Variants in HBS1L observed in about 807,000 individuals in gnomAD.
The protein encoded by HBS1L is HBS1 like translational GTPase.
HBS1L carries 55 observed loss-of-function variants against 88.9 expected under a neutral mutation model. The ratio of observed to expected loss-of-function variants is 0.62; its 90% CI spans 0.50 to 0.77. The LOEUF (loss-of-function observed/expected upper bound fraction) is 0.77, where lower values mean the gene tolerates loss of function less well. Among genes scored for constraint, HBS1L ranks in the 30% least tolerant of loss-of-function variants. The pLI, the probability that HBS1L is intolerant of heterozygous loss-of-function variation, is 0.00. For synonymous variants in HBS1L, 267 were observed against 288.5 expected (o/e 0.93, Z 0.76); for missense variants, 741 against 829.3 (o/e 0.89, Z 1.31).
intron 8 of HBS1L, among the ~76,000 whole-genome samples, 181 bp from the exon 9 acceptor site, chr6:134,987,972 AAAT>A (rs1775025289): frequency 6.6e-6 from 1 of 152,234 alleles, no homozygotes; most frequent in African/African-American, 2.4e-5. Context: ...AAGTCACCAA[AAAT>A]AATGACACAA....
intron 15 of HBS1L, among the ~76,000 whole-genome samples, chr6:134,971,984 G>A (rs1333038386): frequency 6.6e-6 from 1 of 152,132 alleles, no homozygotes; most frequent in Non-Finnish European, 1.5e-5. Flanking sequence ...GCAATGTATA[G>A]ATCTTATTTA....
intron 4 of HBS1L, among the ~76,000 whole-genome samples, chr6:135,034,865 C>T (rs532541472): frequency 2.2e-4 from 34 of 152,188 alleles, no homozygotes; most frequent in Non-Finnish European, 3.7e-4. Context: ...CAATGGTTCT[C>T]GAACAGAAAT....
chr6:135,054,611 C>A (rs1434331942), intron 1 of HBS1L, 38 bp downstream of exon 1: 1 of 1,611,874 alleles, frequency 6.2e-7, no homozygotes, highest in East Asian at 2.2e-5. Context: ...CCAGCTGTAG[C>A]CGGGAAAAGA....
intron 4 of HBS1L, among the ~76,000 whole-genome samples, chr6:135,034,951 A>G (rs1279473991): frequency 2.0e-5 from 3 of 152,350 alleles, no homozygotes; most frequent in African/African-American, 7.2e-5. Flanking sequence ...GCATATATGG[A>G]GTGAAGCCAC....
chr6:134,993,425 A>G (rs1348764415), intron 8 of HBS1L, among the ~76,000 whole-genome samples: 2 of 152,198 alleles, frequency 1.3e-5, no homozygotes, highest in East Asian at 3.9e-4. Flanking sequence ...ATTGAAAGAC[A>G]TAAGGCAGAT....
intron 12 of HBS1L, among the ~76,000 whole-genome samples, chr6:134,984,613 AT>A: frequency 6.6e-6 from 1 of 152,154 alleles, no homozygotes; most frequent in Non-Finnish European, 1.5e-5. Context: ...TACAGTTTTT[AT>A]TATTGTAATA....
Position 135,042,073 on chromosome 6 carries a change from C to T in HBS1L, c.163G>A (p.Glu55Lys), listed in dbSNP as rs113532184. The change falls in exon 3 of 18, where the codon GAA (glutamate) becomes AAA (lysine). Residue 55 changes from glutamate (E) to lysine (K), a missense_variant. Physicochemically the swap from Glu to Lys is moderately conservative, Grantham distance 56. Around this residue, in one of 3 missense-constraint regions of HBS1L, gnomAD observed 556 missense variants for 598.4 expected, o/e 0.93. Coordinates refer to ENST00000367837, the MANE Select transcript of HBS1L (RefSeq NM_006620.4). ...TCTTTCAGATCTTCATAATCATATT[C>T]TTCCACAGGCTCAACGGAAGGTTTG... is the stretch of plus-strand genomic sequence containing the variant. ...RDKPSVEPVEEYDYEDLKESS... is the reference protein window; with the variant it reads ...RDKPSVEPVEKYDYEDLKESS... The T allele has an allele frequency of 1.3e-4, 211 of 1,613,096 alleles. No individual in the cohort carries two copies. In the African/African-American group the frequency reaches 2.7e-3, roughly 21 times the overall value.
chr6:135,034,590 G>A (rs543455984), intron 4 of HBS1L, among the ~76,000 whole-genome samples: 7 of 152,340 alleles, frequency 4.6e-5, no homozygotes, highest in Non-Finnish European at 8.8e-5. Context: ...GTTGCAGTGA[G>A]CCGAGATCAT....
rs775852023 is a variant in HBS1L at position 134,978,725 on chromosome 6, C to T, written c.1751G>A (p.Arg584Gln). ...PIKACTRFRARILIFNIEIPI... is the reference protein window; with the variant it reads ...PIKACTRFRAQILIFNIEIPI... Reference sequence around the variant, plus strand: ...AATTTCAATATTAAAGATGAGGATTCGGGCTCTGAAACGAGTGCAAGCTTT... The same window carrying T: ...AATTTCAATATTAAAGATGAGGATTTGGGCTCTGAAACGAGTGCAAGCTTT... The change falls in exon 15 of 18, where the codon CGA (arginine) becomes CAA (glutamine). Residue 584 changes from arginine (R) to glutamine (Q), a missense_variant. By Grantham distance (43) the Arg-to-Gln change is conservative. Coordinates refer to ENST00000367837, the MANE Select transcript of HBS1L (RefSeq NM_006620.4). 6.8e-6 allele frequency: 11 copies of T among 1,609,044 alleles called. No homozygotes were observed. Among genetic ancestry groups the T allele is most frequent in the Middle Eastern group, 1.7e-4 (1 of 6,060 alleles).
At chr6:134,972,507 T>C (rs4896121) in intron 15 of HBS1L, among the ~76,000 whole-genome samples, 70,278 of 151,964 alleles carry the variant, frequency 0.46, 16,649 homozygotes, top group South Asian at 0.56. Context: ...GAAGAGAACA[T>C]AGCACAAAAG....
At chr6:134,996,751 T>A in intron 7 of HBS1L, 26 bp downstream of exon 7, 1 of 1,540,498 alleles carries the variant, frequency 6.5e-7, no homozygotes, top group Non-Finnish European at 8.7e-7. Flanking sequence ...GATTTCAAAC[T>A]GAAAATTTTG....
chr6:135,009,694 C>A (rs534152959), intron 4 of HBS1L, among the ~76,000 whole-genome samples: 85 of 152,014 alleles, frequency 5.6e-4, no homozygotes, highest in African/African-American at 2.1e-3. Flanking sequence ...AGTGCAGTGG[C>A]GTGATCTCGG....
intron 4 of HBS1L, among the ~76,000 whole-genome samples, chr6:135,027,570 A>G (rs1185389886): frequency 6.6e-6 from 1 of 152,188 alleles, no homozygotes; most frequent in Admixed American, 6.5e-5. Context: ...ATAAGAAGAA[A>G]GTGGGAATGA....
chr6:135,043,736 G>A (rs1279921155), intron 2 of HBS1L, among the ~76,000 whole-genome samples: 1 of 152,170 alleles, frequency 6.6e-6, no homozygotes, highest in Non-Finnish European at 1.5e-5. Context: ...AGGTGGAAGA[G>A]ATCCTGAACA....
At chr6:134,996,235 C>T (rs1167358439) in intron 7 of HBS1L, among the ~76,000 whole-genome samples, 1 of 152,166 alleles carries the variant, frequency 6.6e-6, no homozygotes, top group Non-Finnish European at 1.5e-5. Flanking sequence ...GTAACAGAGA[C>T]AGAGGAGTAA....
intron 4 of HBS1L, chr6:135,037,336 G>A (rs1233906379): frequency 2.6e-6 from 4 of 1,551,612 alleles, no homozygotes; most frequent in Non-Finnish European, 3.5e-6. Context: ...AGTTAGGGAT[G>A]GACTTTCACA....
intron 4 of HBS1L, among the ~76,000 whole-genome samples, chr6:135,006,355 G>A (rs994211622): frequency 2.6e-5 from 4 of 152,122 alleles, no homozygotes; most frequent in Non-Finnish European, 4.4e-5. Context: ...ATCCAGTGTT[G>A]GACTTGGTGG....
At chr6:135,027,792 C>G (rs1776276199) in intron 4 of HBS1L, among the ~76,000 whole-genome samples, 1 of 145,466 alleles carries the variant, frequency 6.9e-6, no homozygotes, top group African/African-American at 2.5e-5. Context: ...TTTTTTGAGA[C>G]AGTCTCACTC....
In HBS1L at chr6:134,962,274, AT is replaced by A. The variant is rs1404421644; in HGVS notation, c.*3004del. ...AAACCTCTAATACTTCTATTGAAAA[AT>A]ATTGATTACATAACAACATGAAAAT... is the stretch of plus-strand genomic sequence containing the variant. On this transcript the variant is annotated 3_prime_UTR_variant, in exon 18 of 18. Coordinates refer to ENST00000367837, the MANE Select transcript of HBS1L (RefSeq NM_006620.4). 6 of 152,302 alleles carry A rather than the reference AT, an allele frequency of 3.9e-5. No homozygotes were observed. Among genetic ancestry groups the A allele is most frequent in the African/African-American group, 1.4e-4 (6 of 41,564 alleles). The allele number at this position is 152,302 out of a possible 1,614,324, so 9.4% of individuals were successfully genotyped here.
Sources: allele counts gnomAD v4.1 joint callset (sites outside exome capture counted in the v4.1 genomes callset), GRCh38; gene constraint gnomAD v4.1.1; regional missense constraint gnomAD v4.1.1; transcripts MANE v1.5; gene names NCBI Gene and HGNC (gene_info 2026-07-23, HGNC 2026-07-21).